The following TSBP1 variants were observed in gnomAD, a reference collection of about 807,000 sequenced individuals.
TSBP1 encodes the protein testis expressed basic protein 1.
Under a neutral mutation model 68.8 loss-of-function variants are expected in TSBP1, and 56 were observed. The ratio of observed to expected loss-of-function variants is 0.81; its 90% CI spans 0.66 to 1.02. The LOEUF is 1.02. Among genes scored for constraint, TSBP1 ranks in the 50% least tolerant of loss-of-function variants. TSBP1 has a pLI of 0.00. For missense variants in TSBP1, 502 were observed against 641.2 expected (o/e 0.78, Z 2.34); for synonymous variants, 171 against 208.7 (o/e 0.82, Z 1.56).
chr6:32,349,413 C>G (rs992753985), intron 9 of TSBP1: 1 of 215,434 alleles, frequency 4.6e-6, no homozygotes. Context: ...CAGCTAATAT[C>G]ATTTATCCCT....
chr6:32,322,012 C>T (rs765664560), intron 18 of TSBP1, among the ~76,000 whole-genome samples: 1 of 152,222 alleles, frequency 6.6e-6, no homozygotes, highest in African/African-American at 2.4e-5. Context: ...TCATCTCACT[C>T]ATTTACTGAC....
At chr6:32,345,282 T>C (rs1250390725) in intron 9 of TSBP1, among the ~76,000 whole-genome samples, 1 of 151,980 alleles carries the variant, frequency 6.6e-6, no homozygotes, top group African/African-American at 2.4e-5. Context: ...CTCTCATTTC[T>C]CTTTCCTAAA....
intron 22 of TSBP1, among the ~76,000 whole-genome samples, chr6:32,297,048 T>G (rs11963003): frequency 0.046 from 7,016 of 152,258 alleles, 366 homozygotes; most frequent in African/African-American, 0.13. Context: ...TATTTTTGAG[T>G]AATCTAGCTA....
In TSBP1 at chr6:32,365,833, C is replaced by G; in HGVS notation, c.217+334G>C. The G allele has an allele frequency of 2.2e-6, 1 of 445,212 alleles. No homozygotes were observed. Among genetic ancestry groups the G allele is most frequent in the Non-Finnish European group, 4.4e-6 (1 of 228,806 alleles). The allele number at this position is 445,212 out of a possible 1,614,324, so 27.6% of individuals were successfully genotyped here. Reference sequence around the variant, plus strand: ...CTTCTCTGCTGGACTCCTGGACTCCCACAATGGTATTGTCTCATCTGTGGA... The same window carrying G: ...CTTCTCTGCTGGACTCCTGGACTCCGACAATGGTATTGTCTCATCTGTGGA... On this transcript the variant is annotated intron_variant, in intron 6 of 22. Transcript: ENST00000612031. The surrounding 1 kb of genome is among the most constrained non-coding windows in gnomAD (Gnocchi z 4.3).
Position 32,335,912 on chromosome 6 carries a change from T to G in TSBP1, c.451A>C (p.Lys151Gln). 1 of 1,608,786 alleles carries G rather than the reference T, an allele frequency of 6.2e-7. No individual in the cohort carries two copies. Among genetic ancestry groups the G allele is most frequent in the Non-Finnish European group, 8.5e-7 (1 of 1,176,902 alleles). The stretch of plus-strand genomic sequence containing the variant: ...GTGGAGAATCAGAGAGCAAACTTAC[T>G]GATAGGTCCTGTAGCTCCGGCTGTG... The change falls in exon 13 of 23, where the codon AAG (lysine) becomes CAG (glutamine). Residue 151 changes from lysine (K) to glutamine (Q), a missense_variant and splice_region_variant. Physicochemically the swap from Lys to Gln is moderately conservative, Grantham distance 53. Transcript: ENST00000612031. This position sits in a 1 kb window ranked among gnomAD's most constrained non-coding sequence, Gnocchi z 5.5.
chr6:32,322,421 G>T, intron 18 of TSBP1, 65 bp downstream of exon 20: 1 of 1,142,300 alleles, frequency 8.8e-7, no homozygotes, highest in Non-Finnish European at 1.3e-6. Flanking sequence ...GAGGCACTTA[G>T]AAATAGAAAC....
At position 32,357,785 on chromosome 6, in the gene TSBP1, G is replaced by A. The variant is rs2395149; in HGVS notation, c.218-2116C>T. ...TAGTCTGAGCAATTAGGTGAATACA[G>A]GTGCTAGCACCAGTGTGTAGAAGGG... On this transcript the variant is annotated intron_variant, in intron 6 of 22. Transcript: ENST00000612031. This position sits in a 1 kb window ranked among gnomAD's most constrained non-coding sequence, Gnocchi z 4.7. 0.063 allele frequency among the ~76,000 whole-genome samples: 9,535 copies of A among 152,274 alleles called. 462 individuals carry two copies. The highest frequency in any genetic ancestry group is 0.11 in the Non-Finnish European group (7,235 of 68,004).
chr6:32,303,524 A>G (rs905354712), intron 19 of TSBP1, among the ~76,000 whole-genome samples: 11 of 151,802 alleles, frequency 7.2e-5, no homozygotes, highest in African/African-American at 2.4e-4. Flanking sequence ...GTTTCATGGC[A>G]TATATTTTTC....
intron 1 of TSBP1, among the ~76,000 whole-genome samples, 171 bp downstream of exon 1, chr6:32,371,523 G>T (rs1366647496): frequency 6.6e-6 from 1 of 152,150 alleles, no homozygotes; most frequent in African/African-American, 2.4e-5. Context: ...ACTGTGGGTT[G>T]TTTCCCCCAG....
At chr6:32,310,798 T>C (rs1484704746) in intron 19 of TSBP1, among the ~76,000 whole-genome samples, 2 of 150,812 alleles carry the variant, frequency 1.3e-5, no homozygotes, top group Non-Finnish European at 2.9e-5. Flanking sequence ...CTTTCTTTTA[T>C]TCCCCAATAG....
Position 32,321,801 on chromosome 6 carries a change from G to A in TSBP1, c.559+1316C>T, listed in dbSNP as rs1767662354. 6.6e-6 allele frequency among the ~76,000 whole-genome samples: 1 copy of A among 152,200 alleles called. No homozygotes were observed. Among genetic ancestry groups the A allele is most frequent in the African/African-American group, 2.4e-5 (1 of 41,442 alleles). On this transcript the variant is annotated intron_variant, in intron 18 of 22. Transcript: ENST00000612031. This position sits in a 1 kb window ranked among gnomAD's most constrained non-coding sequence, Gnocchi z 4.3. Reference sequence around the variant, plus strand: ...GAACTAGAGGGGAGTATGTAAGTATGTTTGCAATCTGTTAGAGTAACCCAG... The same window carrying A: ...GAACTAGAGGGGAGTATGTAAGTATATTTGCAATCTGTTAGAGTAACCCAG...
intron 16 of TSBP1, among the ~76,000 whole-genome samples, chr6:32,328,428 T>G (rs903106140): frequency 1.0e-4 from 15 of 149,208 alleles, no homozygotes; most frequent in African/African-American, 3.5e-4. Flanking sequence ...TTGTATTTTT[T>G]TTTTTTAGAC....
rs1354285839 is a variant in TSBP1, at chr6:32,316,768, GGAGCTTT to G, written c.560-983_560-977del. On this transcript the variant is annotated intron_variant, in intron 18 of 22. Coordinates refer to ENST00000612031, the Ensembl canonical transcript of TSBP1. The surrounding 1 kb of genome is among the most constrained non-coding windows in gnomAD (Gnocchi z 4.5). ...GATTAGCAGAGGGCAGAGGAAACTG[GGAGCTTT>G]GAGTCAGGTAGCTGCACACAGAGTT... 6.6e-6 allele frequency among the ~76,000 whole-genome samples: 1 copy of G among 152,114 alleles called. No individual in the cohort carries two copies. Among genetic ancestry groups the G allele is most frequent in the East Asian group, 1.9e-4 (1 of 5,192 alleles).
At chr6:32,331,118 A>G (rs1444625221) in intron 15 of TSBP1, among the ~76,000 whole-genome samples, 3 of 152,130 alleles carry the variant, frequency 2.0e-5, no homozygotes, top group Non-Finnish European at 2.9e-5. Flanking sequence ...CTTTTAGGAG[A>G]TTATTAACCC....
intron 10 of TSBP1, 130 bp downstream of exon 11, chr6:32,339,470 G>A (rs532933111): frequency 2.7e-6 from 2 of 741,466 alleles, no homozygotes; most frequent in Admixed American, 1.8e-5. Flanking sequence ...CTGGTAGCAG[G>A]CACATTATAG....
At position 32,315,008 on chromosome 6, in the gene TSBP1, C is replaced by T. The variant is rs1319160750; in HGVS notation, c.580+764G>A. 2.0e-5 allele frequency among the ~76,000 whole-genome samples: 3 copies of T among 152,072 alleles called. No individual in the cohort carries two copies. The highest frequency in any genetic ancestry group is 4.8e-5 in the African/African-American group (2 of 41,408). On this transcript the variant is annotated intron_variant, in intron 19 of 22. Coordinates refer to ENST00000612031, the Ensembl canonical transcript of TSBP1. The surrounding 1 kb of genome is among the most constrained non-coding windows in gnomAD (Gnocchi z 5.4). ...CCTGCCTGGGCTCTTTTGGCATCTG[C>T]GTTTTTAACCTTGACAGGAACTTTG...
chr6:32,303,613 T>C (rs1350701798), intron 19 of TSBP1, among the ~76,000 whole-genome samples: 1 of 152,154 alleles, frequency 6.6e-6, no homozygotes, highest in African/African-American at 2.4e-5. Flanking sequence ...TTTAATGTAC[T>C]CTGGTAATCT....
At chr6:32,307,852 C>T (rs9268179) in intron 19 of TSBP1, among the ~76,000 whole-genome samples, 30,759 of 151,262 alleles carry the variant, frequency 0.2, 3,301 homozygotes, top group Non-Finnish European at 0.22. Flanking sequence ...CTCGGCTCAC[C>T]GCAACCTCTG....
intron 7 of TSBP1, 111 bp from the exon 8 acceptor site, chr6:32,355,255 C>T: frequency 9.3e-7 from 1 of 1,073,144 alleles, no homozygotes; most frequent in Non-Finnish European, 1.4e-6. Flanking sequence ...AAAGTCTAGG[C>T]CCCGGGAGTC....
Sources: gnomAD v4.1 joint callset for allele counts (sites outside exome capture counted in the v4.1 genomes callset) on GRCh38, gnomAD v4.1.1 for gene constraint, Gnocchi (gnomAD v3.1) non-coding constraint, MANE v1.5 for transcripts, NCBI Gene and HGNC (gene_info 2026-07-23, HGNC 2026-07-21) for gene names.